The following INO80D variants were observed in gnomAD, a reference collection of about 807,000 sequenced individuals.
The protein encoded by INO80D is INO80 complex subunit D.
In INO80D, 21 loss-of-function variants were observed where a neutral mutation model predicts 87.6. That is an observed-to-expected ratio of 0.24 (90% confidence interval 0.17 to 0.35). INO80D has a LOEUF of 0.35. INO80D is among the 10% of genes least tolerant of loss of function. The probability of loss-of-function intolerance (pLI) is 1.00; values close to 1 mark genes in which losing one functional copy is unlikely to be tolerated. For missense variants in INO80D, 982 were observed against 1,280.7 expected (o/e 0.77, Z 3.56); for synonymous variants, 440 against 491.0 (o/e 0.90, Z 1.37).
In INO80D at chr2:206,019,867, A is replaced by T. The variant is rs536394712; in HGVS notation, c.1299-22T>A. 4.4e-5 allele frequency: 70 copies of T among 1,580,514 alleles called. No homozygotes were observed. The South Asian group carries it at 7.2e-4, about 16-fold the overall frequency. On this transcript the variant is annotated intron_variant, in intron 6 of 10. Coordinates refer to ENST00000403263, the MANE Select transcript of INO80D (RefSeq NM_017759.5). ...TATGCTAAGGAAAGAAAAACAGAGA[A>T]TTAATTTTTTTTTAATGCTTTAAGA...
chr2:206,012,867 C>CAAA (rs71035432), intron 8 of INO80D, among the ~76,000 whole-genome samples: 20,933 of 85,252 alleles, frequency 0.25, 1,992 homozygotes, highest in Non-Finnish European at 0.3. Context: ...AGACTTGTCT[C>CAAA]AAAAAAAAAA....
rs899478097 is a variant in INO80D, at chr2:205,994,197, T to C, written c.*10171A>G. 1 of 152,196 alleles carries C rather than the reference T, an allele frequency of 6.6e-6. No homozygotes were observed. The highest frequency in any genetic ancestry group is 1.5e-5 in the Non-Finnish European group (1 of 68,042). 9.4% of individuals were successfully genotyped at this position (152,196 alleles called of 1,614,324 possible). A position where few individuals can be genotyped will look rare whatever the true frequency, so the allele number is the denominator to read the frequency against. The stretch of plus-strand genomic sequence containing the variant: ...AAGTGGCTCCTAACTTTTGTGCATA[T>C]AATTAAACTCCCAGCCACTATGAAC... On this transcript the variant is annotated 3_prime_UTR_variant, in exon 11 of 11. Coordinates refer to ENST00000403263, the MANE Select transcript of INO80D (RefSeq NM_017759.5).
At chr2:206,075,239 G>A (rs1690080403) in intron 1 of INO80D, among the ~76,000 whole-genome samples, 1 of 152,048 alleles carries the variant, frequency 6.6e-6, no homozygotes, top group Non-Finnish European at 1.5e-5. Flanking sequence ...AAAACAATTT[G>A]ACAAAAATAT....
intron 1 of INO80D, among the ~76,000 whole-genome samples, chr2:206,075,039 C>CAAAAAAAAAAAAAAAAAAAAAA (rs56081344): frequency 5.1e-5 from 6 of 117,700 alleles, no homozygotes; most frequent in South Asian, 2.8e-4. Context: ...AACTCCATCT[C>CAAAAAAAAAAAAAAAAAAAAAA]AAAAAAAAAA....
chr2:206,018,738 A>C (rs58696383), intron 7 of INO80D, among the ~76,000 whole-genome samples: 1 of 152,002 alleles, frequency 6.6e-6, no homozygotes, highest in Non-Finnish European at 1.5e-5. Flanking sequence ...CCTGGGCAAC[A>C]AAAAAGTACA....
chr2:206,003,942 C>G lies in INO80D; in HGVS notation c.*426G>C, dbSNP rs1361903792. 1 of 194,486 alleles carries G rather than the reference C, an allele frequency of 5.1e-6. No homozygotes were observed. The highest frequency in any genetic ancestry group is 1.1e-5 in the Non-Finnish European group (1 of 92,014). 12.0% of individuals were successfully genotyped at this position (194,486 alleles called of 1,614,324 possible). On this transcript the variant is annotated 3_prime_UTR_variant, in exon 11 of 11. Coordinates refer to ENST00000403263, the MANE Select transcript of INO80D (RefSeq NM_017759.5). The stretch of plus-strand genomic sequence containing the variant: ...ACCTGCCACACACCATTTGCTGTCT[C>G]TTATACAGGAACTCAATTAATAAGA...
chr2:206,070,024 A>G (rs992881280), intron 1 of INO80D, among the ~76,000 whole-genome samples: 1 of 152,220 alleles, frequency 6.6e-6, no homozygotes, highest in Non-Finnish European at 1.5e-5. Flanking sequence ...CTGTAATCCC[A>G]GCACTTTGGG....
rs1255611734 is a variant in INO80D, at chr2:205,997,193, T to C, written c.*7175A>G. 2 of 152,062 alleles carry C rather than the reference T, an allele frequency of 1.3e-5. No individual in the cohort carries two copies. Among genetic ancestry groups the C allele is most frequent in the Non-Finnish European group, 2.9e-5 (2 of 67,954 alleles). 9.4% of individuals were successfully genotyped at this position (152,062 alleles called of 1,614,324 possible). On this transcript the variant is annotated 3_prime_UTR_variant, in exon 11 of 11. Coordinates refer to ENST00000403263, the MANE Select transcript of INO80D (RefSeq NM_017759.5). The stretch of plus-strand genomic sequence containing the variant: ...TTCAGACCACCAGATACTCCAGTAA[T>C]AAATGTATAGCAAAATAACAACTTA...
Position 206,032,186 on chromosome 2 carries a change from G to A in INO80D, c.1074-3851C>T, listed in dbSNP as rs978728242. Among the ~76,000 whole-genome samples the A allele has an allele frequency of 1.3e-4, 20 of 152,180 alleles. 2 individuals are homozygous for A. Reference sequence around the variant, plus strand: ...TTTGAACCTGGCGAGAAGCCTCCTGGCCAGAATGTGGGGAAGGCCACAAAT... The same window carrying A: ...TTTGAACCTGGCGAGAAGCCTCCTGACCAGAATGTGGGGAAGGCCACAAAT... On this transcript the variant is annotated intron_variant, in intron 5 of 10. Coordinates refer to ENST00000403263, the MANE Select transcript of INO80D (RefSeq NM_017759.5).
At position 206,006,133 on chromosome 2, in the gene INO80D, T is replaced by C. The variant is rs370344099; in HGVS notation, c.1919-600A>G. ...TCATCCTCTTCCCATTTCTTACTAA[T>C]TTTCATAAAATGGAAGCCCATGGAC... On this transcript the variant is annotated intron_variant, in intron 10 of 10. Transcript: ENST00000403263. 2.6e-5 allele frequency among the ~76,000 whole-genome samples: 4 copies of C among 152,212 alleles called. No individual in the cohort carries two copies. The East Asian group carries it at 7.7e-4, about 29-fold the overall frequency.
rs1232713981 is a variant in INO80D, at chr2:205,997,862, T to C, written c.*6506A>G. 1.3e-5 allele frequency: 2 copies of C among 152,198 alleles called. No homozygotes were observed. Among genetic ancestry groups the C allele is most frequent in the Non-Finnish European group, 2.9e-5 (2 of 68,008 alleles). The allele number at this position is 152,198 out of a possible 1,614,324, so 9.4% of individuals were successfully genotyped here. A position where few individuals can be genotyped will look rare whatever the true frequency, so the allele number is the denominator to read the frequency against. On this transcript the variant is annotated 3_prime_UTR_variant, in exon 11 of 11. Coordinates refer to ENST00000403263, the MANE Select transcript of INO80D (RefSeq NM_017759.5). ...AACTAAATAAATCATGTTTCTACAA[T>C]ACATTCGGTTACCTTTATCTATTTT... is the stretch of plus-strand genomic sequence containing the variant.
chr2:206,084,215 T>A (rs13415939), intron 1 of INO80D, among the ~76,000 whole-genome samples: 3,195 of 123,286 alleles, frequency 0.026, 92 homozygotes, highest in African/African-American at 0.072. Flanking sequence ...ACACATATAT[T>A]TTTTTTTCGT....
chr2:205,996,849 A>G lies in INO80D; in HGVS notation c.*7519T>C, dbSNP rs1056464771. 1.3e-5 allele frequency: 2 copies of G among 152,094 alleles called. No individual in the cohort carries two copies. The highest frequency in any genetic ancestry group is 6.6e-5 in the Admixed American group (1 of 15,258). 9.4% of individuals were successfully genotyped at this position (152,094 alleles called of 1,614,324 possible). Reference sequence around the variant, plus strand: ...ATCCCATTAACCAGCAACTGAAGGGAGAAATGGCACCAGTACAAACTCCCT... The same window carrying G: ...ATCCCATTAACCAGCAACTGAAGGGGGAAATGGCACCAGTACAAACTCCCT... On this transcript the variant is annotated 3_prime_UTR_variant, in exon 11 of 11. Coordinates refer to ENST00000403263, the MANE Select transcript of INO80D (RefSeq NM_017759.5).
chr2:206,073,203 A>G (rs975536428), intron 1 of INO80D, among the ~76,000 whole-genome samples: 1 of 152,192 alleles, frequency 6.6e-6, no homozygotes, highest in African/African-American at 2.4e-5. Context: ...GAAACAGATC[A>G]ATATCTGGTC....
chr2:206,036,104 G>A (rs961221906), intron 5 of INO80D, among the ~76,000 whole-genome samples: 9 of 152,152 alleles, frequency 5.9e-5, no homozygotes, highest in African/African-American at 1.7e-4. Flanking sequence ...ATGTTGGCAT[G>A]GATGTGGTGA....
intron 1 of INO80D, among the ~76,000 whole-genome samples, chr2:206,070,309 G>A (rs749074122): frequency 1.1e-3 from 162 of 150,790 alleles, no homozygotes; most frequent in Non-Finnish European, 1.8e-3. Context: ...CTGTAGTCCT[G>A]GTTACTTGAG....
intron 5 of INO80D, among the ~76,000 whole-genome samples, chr2:206,043,448 G>A (rs1268689207): frequency 6.6e-6 from 1 of 150,512 alleles, no homozygotes; most frequent in Non-Finnish European, 1.5e-5. Flanking sequence ...GGGATTACAG[G>A]CGTGAACTAC....
chr2:206,057,975 TG>T (rs962854800), intron 3 of INO80D, among the ~76,000 whole-genome samples: 1 of 152,166 alleles, frequency 6.6e-6, no homozygotes, highest in Non-Finnish European at 1.5e-5. Context: ...CACATATCTC[TG>T]TTTTTCCAGA....
chr2:206,057,386 A>G (rs1179269320), intron 3 of INO80D, among the ~76,000 whole-genome samples: 1 of 152,192 alleles, frequency 6.6e-6, no homozygotes, highest in Non-Finnish European at 1.5e-5. Context: ...AACCCTCAAG[A>G]ATGTCAAGTG....
Sources: gnomAD v4.1 joint callset for allele counts (sites outside exome capture counted in the v4.1 genomes callset) on GRCh38, gnomAD v4.1.1 for gene constraint, MANE v1.5 for transcripts, NCBI Gene and HGNC (gene_info 2026-07-23, HGNC 2026-07-21) for gene names.